HNF4G: variants seen among roughly 807,000 people sequenced by gnomAD.
The protein encoded by HNF4G is hepatocyte nuclear factor 4 gamma.
Under a neutral mutation model 50.9 loss-of-function variants are expected in HNF4G, and 21 were observed. The observed-to-expected ratio is 0.41, with a 90% CI of 0.29 to 0.59. The LOEUF is 0.59. HNF4G is among the 20% of genes least tolerant of loss of function. The probability of loss-of-function intolerance (pLI) is 0.26; values close to 1 mark genes in which losing one functional copy is unlikely to be tolerated. For synonymous variants in HNF4G, 198 were observed against 185.6 expected (o/e 1.07, Z -0.54); for missense variants, 527 against 559.4 (o/e 0.94, Z 0.58).
chr8:75,517,291 A>C (rs771887138), intron 2 of HNF4G, among the ~76,000 whole-genome samples: 1 of 152,120 alleles, frequency 6.6e-6, no homozygotes, highest in Non-Finnish European at 1.5e-5. Flanking sequence ...CAAATCTCAT[A>C]TCCTTACATT....
chr8:75,427,871 G>C (rs73341193), intron 1 of HNF4G, among the ~76,000 whole-genome samples: 1,930 of 152,144 alleles, frequency 0.013, 39 homozygotes, highest in African/African-American at 0.044. Context: ...CTGAAGGTTT[G>C]TGTAGCATTA....
At chr8:75,559,944 A>C (rs753035448) in intron 8 of HNF4G, among the ~76,000 whole-genome samples, 1 of 152,118 alleles carries the variant, frequency 6.6e-6, no homozygotes, top group Non-Finnish European at 1.5e-5. Flanking sequence ...CATTATATTT[A>C]TTTTTAGTTT....
At chr8:75,440,610 A>G (rs1398413606) in intron 1 of HNF4G, among the ~76,000 whole-genome samples, 4 of 152,310 alleles carry the variant, frequency 2.6e-5, no homozygotes, top group African/African-American at 4.8e-5. Flanking sequence ...TGTTACCACT[A>G]CATTCTGAAA....
At chr8:75,427,301 G>A (rs377271121) in intron 1 of HNF4G, among the ~76,000 whole-genome samples, 4 of 152,170 alleles carry the variant, frequency 2.6e-5, no homozygotes, top group African/African-American at 9.7e-5. Context: ...GAATAGGCTA[G>A]GCATGGTGGA....
chr8:75,547,778 T>C, intron 3 of HNF4G, 97 bp downstream of exon 3: 1 of 780,652 alleles, frequency 1.3e-6, no homozygotes, highest in Non-Finnish European at 2.2e-6. Context: ...ACATGAGTTC[T>C]AATTTTCCTC....
intron 2 of HNF4G, among the ~76,000 whole-genome samples, chr8:75,516,328 G>A (rs1438469280): frequency 6.6e-6 from 1 of 151,814 alleles, no homozygotes; most frequent in Non-Finnish European, 1.5e-5. Flanking sequence ...TTACCTACGG[G>A]TTATTTCTTG....
intron 1 of HNF4G, among the ~76,000 whole-genome samples, chr8:75,458,582 C>A (rs928619645): frequency 6.6e-6 from 1 of 152,074 alleles, no homozygotes; most frequent in Non-Finnish European, 1.5e-5. Flanking sequence ...TAAAAATGTT[C>A]CTACTATCCC....
chr8:75,555,098 A>C (rs1425865098), intron 5 of HNF4G, among the ~76,000 whole-genome samples: 1 of 152,210 alleles, frequency 6.6e-6, no homozygotes, highest in Non-Finnish European at 1.5e-5. Flanking sequence ...TTTGGATTTC[A>C]GTCTAGGGAC....
chr8:75,451,574 C>T (rs1460832139), intron 1 of HNF4G, among the ~76,000 whole-genome samples: 1 of 137,456 alleles, frequency 7.3e-6, no homozygotes, highest in South Asian at 2.2e-4. Context: ...ATTCAGTTTT[C>T]CCCAGCACCA....
intron 9 of HNF4G, 148 bp from the exon 10 acceptor site, chr8:75,563,827 A>T: frequency 1.3e-6 from 1 of 797,198 alleles, no homozygotes. Flanking sequence ...TCATGGGCCA[A>T]TAATGCATTC....
chr8:75,523,342 C>G (rs1179570836), intron 2 of HNF4G, among the ~76,000 whole-genome samples: 1 of 152,144 alleles, frequency 6.6e-6, no homozygotes, highest in African/African-American at 2.4e-5. Context: ...AAATCTTCTC[C>G]CAGATACTAA....
chr8:75,471,938 T>C (rs992646436), intron 1 of HNF4G, among the ~76,000 whole-genome samples: 3 of 152,230 alleles, frequency 2.0e-5, no homozygotes, highest in African/African-American at 4.8e-5. Context: ...TTCTTACTTA[T>C]GGTACTTGAG....
Position 75,508,253 on chromosome 8 carries a change from A to T in HNF4G, c.-24+18045A>T, listed in dbSNP as rs549440216. On this transcript the variant is annotated intron_variant, in intron 2 of 10. Coordinates refer to the HNF4G transcript ENST00000354370. ...CTCTGGCTCCAAGAAGAACTTTTCC[A>T]TGCCCTATTTGAGAAAATGGGCTGG... is the stretch of plus-strand genomic sequence containing the variant. 9.2e-5 allele frequency among the ~76,000 whole-genome samples: 14 copies of T among 152,184 alleles called. No individual in the cohort carries two copies. In the South Asian group the frequency reaches 2.7e-3, roughly 29 times the overall value.
chr8:75,464,073 C>T (rs1440913052), intron 1 of HNF4G, among the ~76,000 whole-genome samples: 1 of 152,102 alleles, frequency 6.6e-6, no homozygotes, highest in Admixed American at 6.6e-5. Context: ...CGTGCCCGGA[C>T]ACATTGACTT....
At chr8:75,472,057 G>T (rs2130634829) in intron 1 of HNF4G, among the ~76,000 whole-genome samples, 1 of 152,232 alleles carries the variant, frequency 6.6e-6, no homozygotes, top group Non-Finnish European at 1.5e-5. Flanking sequence ...GCTGATTCTA[G>T]CATAGTTCCT....
upstream of HNF4G, among the ~76,000 whole-genome samples, chr8:75,535,065 A>T (rs1475152262): frequency 6.6e-6 from 1 of 151,856 alleles, no homozygotes; most frequent in Non-Finnish European, 1.5e-5. Context: ...GAAAGAGATA[A>T]GAAAAAATAA....
At chr8:75,514,283 T>C (rs1257969475) in intron 2 of HNF4G, among the ~76,000 whole-genome samples, 4 of 151,800 alleles carry the variant, frequency 2.6e-5, no homozygotes, top group Admixed American at 2.6e-4. Context: ...GTTTGTGTGC[T>C]GGGTTTATTT....
At chr8:75,422,134 C>G (rs1810790193) in intron 1 of HNF4G, among the ~76,000 whole-genome samples, 1 of 152,100 alleles carries the variant, frequency 6.6e-6, no homozygotes, top group Non-Finnish European at 1.5e-5. Context: ...ATATATCTTA[C>G]TACTTATGCT....
intron 1 of HNF4G, among the ~76,000 whole-genome samples, chr8:75,477,882 G>C (rs571680588): frequency 1.3e-5 from 2 of 152,288 alleles, no homozygotes; most frequent in South Asian, 4.1e-4. Flanking sequence ...CAGGAGAATC[G>C]CTTGAACCCA....
Sources: allele counts gnomAD v4.1 joint callset (sites outside exome capture counted in the v4.1 genomes callset), GRCh38; gene constraint gnomAD v4.1.1; transcripts MANE v1.5; gene names NCBI Gene and HGNC (gene_info 2026-07-23, HGNC 2026-07-21).